DPP10: variants seen among roughly 807,000 people sequenced by gnomAD.
The protein encoded by DPP10 is inactive dipeptidyl peptidase 10.
Under a neutral mutation model 120.9 loss-of-function variants are expected in DPP10, and 33 were observed. The observed-to-expected ratio is 0.27, with a 90% CI of 0.21 to 0.37. The LOEUF is 0.37. DPP10 is among the 10% of genes least tolerant of loss of function. The pLI is 1.00. For missense variants in DPP10, 816 were observed against 942.8 expected (o/e 0.87, Z 1.76); for synonymous variants, 337 against 326.1 (o/e 1.03, Z -0.36).
At chr2:114,782,100 T>A (rs1478783502) in intron 1 of DPP10, among the ~76,000 whole-genome samples, 1 of 152,032 alleles carries the variant, frequency 6.6e-6, no homozygotes, top group Non-Finnish European at 1.5e-5. Context: ...AAAGTCAGCT[T>A]TTGAAGCCAG....
Position 115,829,147 on chromosome 2 carries a change from G to A in DPP10, c.1951-7010G>A, listed in dbSNP as rs544911922. 7.9e-5 allele frequency among the ~76,000 whole-genome samples: 12 copies of A among 152,202 alleles called. No individual in the cohort carries two copies. The East Asian group carries it at 2.3e-3, about 29-fold the overall frequency. ...TTTAGATGTCCTGTTTCTATCAAAA[G>A]GCTAAATGAGTATTTATTATGTTTT... On this transcript the variant is annotated intron_variant, in intron 21 of 25. Coordinates refer to ENST00000410059, the MANE Select transcript of DPP10 (RefSeq NM_020868.6).
chr2:114,811,733 C>T (rs2106324262), intron 1 of DPP10, among the ~76,000 whole-genome samples: 1 of 152,310 alleles, frequency 6.6e-6, no homozygotes, highest in African/African-American at 2.4e-5. Flanking sequence ...TCCTGCTCAC[C>T]TTCACGTTCT....
chr2:114,467,022 G>A (rs1162217947), intron 1 of DPP10, among the ~76,000 whole-genome samples: 1 of 145,388 alleles, frequency 6.9e-6, no homozygotes, highest in Non-Finnish European at 1.5e-5. Flanking sequence ...GGGCGAGAGA[G>A]GAAGACTCCA....
chr2:115,656,190 T>C (rs1232359899), intron 5 of DPP10, among the ~76,000 whole-genome samples: 2 of 150,588 alleles, frequency 1.3e-5, no homozygotes, highest in Admixed American at 6.7e-5. Flanking sequence ...TTGATTTTGG[T>C]GATGATATAA....
chr2:115,501,948 T>G (rs1277511793), intron 4 of DPP10, among the ~76,000 whole-genome samples: 5 of 152,140 alleles, frequency 3.3e-5, no homozygotes, highest in African/African-American at 9.6e-5. Context: ...TAATAATAAT[T>G]AATTGGATCA....
intron 1 of DPP10, among the ~76,000 whole-genome samples, chr2:115,264,972 T>C (rs1269254664): frequency 2.0e-5 from 3 of 152,164 alleles, no homozygotes; most frequent in Non-Finnish European, 4.4e-5. Context: ...TTTCAGCTTA[T>C]AGGTTAGAGA....
chr2:114,613,572 C>T (rs1693445177), intron 1 of DPP10, among the ~76,000 whole-genome samples: 1 of 152,060 alleles, frequency 6.6e-6, no homozygotes, highest in Non-Finnish European at 1.5e-5. Context: ...CCTCAAAGAT[C>T]TAGAACCAGT....
chr2:114,679,901 T>A (rs1698913390), intron 1 of DPP10, among the ~76,000 whole-genome samples: 1 of 151,956 alleles, frequency 6.6e-6, no homozygotes, highest in Non-Finnish European at 1.5e-5. Context: ...TCTAGCTAAA[T>A]AAGCTCACCG....
chr2:115,190,572 G>T (rs1034958231), intron 1 of DPP10, among the ~76,000 whole-genome samples: 2 of 152,140 alleles, frequency 1.3e-5, no homozygotes, highest in Admixed American at 1.3e-4. Context: ...TTTTCCCCCG[G>T]CGGTGAAAGG....
chr2:115,659,960 G>T (rs2088776026), intron 5 of DPP10, among the ~76,000 whole-genome samples: 1 of 151,922 alleles, frequency 6.6e-6, no homozygotes, highest in Non-Finnish European at 1.5e-5. Flanking sequence ...AGCCACAAAT[G>T]GATTAATCAT....
At chr2:115,122,702 C>CA (rs1214623689) in intron 1 of DPP10, among the ~76,000 whole-genome samples, 3 of 152,192 alleles carry the variant, frequency 2.0e-5, no homozygotes, top group East Asian at 3.9e-4. Flanking sequence ...TACAGACAGA[C>CA]AAAACAGGAG....
intron 19 of DPP10, among the ~76,000 whole-genome samples, chr2:115,797,955 GTA>G (rs60338859): frequency 0.014 from 2,158 of 149,658 alleles, 24 homozygotes; most frequent in South Asian, 0.029. Flanking sequence ...GTGTGTGTGT[GTA>G]TATATATATA....
intron 1 of DPP10, among the ~76,000 whole-genome samples, chr2:114,847,208 C>G (rs1688611100): frequency 6.6e-6 from 1 of 152,094 alleles, no homozygotes; most frequent in Non-Finnish European, 1.5e-5. Flanking sequence ...TTGCCTGAAA[C>G]TCTGCTCCTG....
At chr2:114,465,554 A>G (rs557249621) in intron 1 of DPP10, among the ~76,000 whole-genome samples, 1 of 152,332 alleles carries the variant, frequency 6.6e-6, no homozygotes, top group East Asian at 1.9e-4. Context: ...AGGGTAGCAC[A>G]TGTTAAAAAA....
chr2:115,390,881 G>A (rs1406692774), intron 3 of DPP10, among the ~76,000 whole-genome samples: 1 of 152,138 alleles, frequency 6.6e-6, no homozygotes, highest in African/African-American at 2.4e-5. Flanking sequence ...TGAAGTCTCA[G>A]CATTATGGAC....
At chr2:115,727,187 A>T (rs1200571012) in intron 7 of DPP10, among the ~76,000 whole-genome samples, 1 of 151,872 alleles carries the variant, frequency 6.6e-6, no homozygotes, top group Admixed American at 6.6e-5. Context: ...TCAAATTAAG[A>T]CTCTCTCTGG....
At chr2:114,691,732 CTATT>C (rs1699761877) in intron 1 of DPP10, among the ~76,000 whole-genome samples, 1 of 151,936 alleles carries the variant, frequency 6.6e-6, no homozygotes, top group Admixed American at 6.6e-5. Flanking sequence ...GGTTGGTAGA[CTATT>C]TATTACTGTC....
intron 7 of DPP10, among the ~76,000 whole-genome samples, chr2:115,710,019 CTG>C (rs1216995808): frequency 1.3e-5 from 2 of 152,018 alleles, no homozygotes; most frequent in African/African-American, 4.8e-5. Flanking sequence ...TAAAGAGAAA[CTG>C]TGGAAGTGAA....
At chr2:114,477,107 G>A (rs1045182031) in intron 1 of DPP10, among the ~76,000 whole-genome samples, 3 of 151,818 alleles carry the variant, frequency 2.0e-5, no homozygotes, top group South Asian at 2.1e-4. Flanking sequence ...TTATAGGTGC[G>A]CACCACCACA....
Sources: allele counts gnomAD v4.1 joint callset (sites outside exome capture counted in the v4.1 genomes callset), GRCh38; gene constraint gnomAD v4.1.1; transcripts MANE v1.5; gene names NCBI Gene and HGNC (gene_info 2026-07-23, HGNC 2026-07-21).